COL26A1: variants seen among roughly 807,000 people sequenced by gnomAD.
COL26A1 encodes the protein collagen type XXVI alpha 1 chain.
In COL26A1, 41 loss-of-function variants were observed where a neutral mutation model predicts 59.3. That is an observed-to-expected ratio of 0.69 (90% confidence interval 0.54 to 0.90). The LOEUF is 0.90. Ranked by LOEUF, COL26A1 falls within the 40% of genes least tolerant of loss-of-function variation. The pLI is 0.00. For synonymous variants in COL26A1, 266 were observed against 256.0 expected (o/e 1.04, Z -0.37); for missense variants, 612 against 602.3 (o/e 1.02, Z -0.17).
chr7:101,541,443 C>T (rs1795615927), intron 5 of COL26A1, among the ~76,000 whole-genome samples: 1 of 151,934 alleles, frequency 6.6e-6, no homozygotes, highest in Admixed American at 6.6e-5. Context: ...CTCCGAGGCT[C>T]AGGTGATCCT....
chr7:101,402,210 CTGGGCTGTGATGTG>C (rs1295775094), intron 1 of COL26A1, among the ~76,000 whole-genome samples: 1 of 152,178 alleles, frequency 6.6e-6, no homozygotes, highest in African/African-American at 2.4e-5. Flanking sequence ...TGGAGACTCG[CTGGGCTGTGATGTG>C]ATCGTGTCGG....
intron 3 of COL26A1, among the ~76,000 whole-genome samples, chr7:101,488,789 C>T (rs1402491686): frequency 6.6e-6 from 1 of 152,148 alleles, no homozygotes; most frequent in Non-Finnish European, 1.5e-5. Context: ...AAATTGCAGA[C>T]TTTTAAAGGA....
intron 1 of COL26A1, among the ~76,000 whole-genome samples, chr7:101,381,836 G>C (rs1201035984): frequency 6.6e-6 from 1 of 152,108 alleles, no homozygotes; most frequent in Non-Finnish European, 1.5e-5. Context: ...GGACGTCCCT[G>C]GGGGAGATAT....
At chr7:101,372,294 T>G (rs1791213935) in intron 1 of COL26A1, among the ~76,000 whole-genome samples, 1 of 152,046 alleles carries the variant, frequency 6.6e-6, no homozygotes, top group Non-Finnish European at 1.5e-5. Flanking sequence ...GCCTCCCAAG[T>G]AGCTGGGATT....
rs1274752006 is a variant in COL26A1, at chr7:101,545,397, C to T, written c.763C>T (p.Pro255Ser). ...TGGAGAGATGGGGCGCCCCGGCCCC[C>T]CAGGACCACCCGGCCCAGCAGGCAA... ...LPGEMGRPGPPGPPGPAGNPG... is the reference protein window; with the variant it reads ...LPGEMGRPGPSGPPGPAGNPG... The change falls in exon 7 of 13, where the codon CCA becomes TCA. Residue 255 changes from proline (P) to serine (S), a missense_variant. Coordinates refer to ENST00000313669, the MANE Select transcript of COL26A1 (RefSeq NM_001278563.3). 3 of 1,604,342 alleles carry T rather than the reference C, an allele frequency of 1.9e-6. No individual in the cohort carries two copies. Among genetic ancestry groups the T allele is most frequent in the Non-Finnish European group, 2.5e-6 (3 of 1,176,792 alleles).
intron 1 of COL26A1, among the ~76,000 whole-genome samples, chr7:101,410,102 A>G (rs1419387191): frequency 1.4e-4 from 21 of 152,048 alleles, no homozygotes; most frequent in Non-Finnish European, 2.1e-4. Context: ...GCAGGGGGCT[A>G]GGGAATGGGT....
chr7:101,494,975 C>T (rs1460638515), intron 3 of COL26A1, among the ~76,000 whole-genome samples: 3 of 152,136 alleles, frequency 2.0e-5, no homozygotes, highest in African/African-American at 7.2e-5. Flanking sequence ...CTTCCTTCCC[C>T]GTGGCTTCCA....
At position 101,510,898 on chromosome 7, in the gene COL26A1, CTTTTTTT is replaced by C. The variant is rs908747824; in HGVS notation, c.386-22170_386-22164del. 3.8e-5 allele frequency among the ~76,000 whole-genome samples: 5 copies of C among 130,926 alleles called. No individual in the cohort carries two copies. The South Asian group carries it at 9.9e-4, about 26-fold the overall frequency. 85.9% of individuals were successfully genotyped at this position (130,926 alleles called of 152,430 possible). Reference sequence around the variant, plus strand: ...CTCACTTTTTTCTTTTTCTTTCTTTCTTTTTTTTTTTTTTTTTTTTGAGACGGAGTCT... The same window carrying C: ...CTCACTTTTTTCTTTTTCTTTCTTTCTTTTTTTTTTTTTGAGACGGAGTCT... On this transcript the variant is annotated intron_variant, in intron 3 of 12. Transcript: ENST00000313669.
intron 3 of COL26A1, among the ~76,000 whole-genome samples, chr7:101,507,703 C>G (rs991825943): frequency 6.6e-6 from 1 of 152,144 alleles, no homozygotes; most frequent in Non-Finnish European, 1.5e-5. Flanking sequence ...CTGGCGTGAG[C>G]CACCACAAAG....
intron 5 of COL26A1, among the ~76,000 whole-genome samples, chr7:101,542,070 GA>G (rs1795629173): frequency 6.6e-6 from 1 of 151,960 alleles, no homozygotes; most frequent in African/African-American, 2.4e-5. Flanking sequence ...GGGCTCAAGG[GA>G]TTCCCCTGCC....
chr7:101,375,192 C>T (rs1791285548), intron 1 of COL26A1, among the ~76,000 whole-genome samples: 2 of 152,192 alleles, frequency 1.3e-5, no homozygotes, highest in Non-Finnish European at 1.5e-5. Context: ...CTCTATGCCT[C>T]AGTCACCTCA....
At chr7:101,460,970 C>T (rs1287113656) in intron 3 of COL26A1, among the ~76,000 whole-genome samples, 3 of 151,928 alleles carry the variant, frequency 2.0e-5, no homozygotes, top group Non-Finnish European at 4.4e-5. Context: ...CTCATTTGCA[C>T]CTGCGGGATG....
Position 101,494,376 on chromosome 7 carries a change from C to T in COL26A1, c.386-38706C>T, listed in dbSNP as rs567948554. On this transcript the variant is annotated intron_variant, in intron 3 of 12. Transcript: ENST00000313669. ...TCCTGACCTCAAGTGATCTGCTGGC[C>T]ATAGTCTCCCAGAATGCAGGGATTA... Among the ~76,000 whole-genome samples the T allele has an allele frequency of 2.6e-5, 4 of 152,284 alleles. No homozygotes were observed. The South Asian group carries it at 8.3e-4, about 32-fold the overall frequency.
At chr7:101,497,721 CTG>C (rs759021825) in intron 3 of COL26A1, among the ~76,000 whole-genome samples, 5 of 152,248 alleles carry the variant, frequency 3.3e-5, no homozygotes, top group African/African-American at 4.8e-5. Flanking sequence ...TGGCTCACAT[CTG>C]TAATCCCAGC....
chr7:101,475,319 G>A (rs538938917), intron 3 of COL26A1, among the ~76,000 whole-genome samples: 39 of 151,768 alleles, frequency 2.6e-4, no homozygotes, highest in African/African-American at 9.0e-4. Flanking sequence ...GGTAGGGAGG[G>A]CACCTCTGGG....
intron 3 of COL26A1, among the ~76,000 whole-genome samples, chr7:101,475,226 A>G (rs1348010635): frequency 6.6e-6 from 1 of 152,044 alleles, no homozygotes; most frequent in Non-Finnish European, 1.5e-5. Flanking sequence ...CATCATAACA[A>G]ACTGGGTGAA....
intron 1 of COL26A1, among the ~76,000 whole-genome samples, chr7:101,382,595 T>C (rs1401900270): frequency 1.3e-5 from 2 of 152,256 alleles, no homozygotes; most frequent in Non-Finnish European, 2.9e-5. Flanking sequence ...TGTTAGCTGA[T>C]AGAACAATTT....
chr7:101,489,810 CT>C (rs1161636539), intron 3 of COL26A1, among the ~76,000 whole-genome samples: 1 of 3,526 alleles, frequency 2.8e-4, no homozygotes, highest in Non-Finnish European at 5.2e-4. Flanking sequence ...TTCTTTCTTT[CT>C]TTCTTTCTTT....
At chr7:101,489,387 C>T (rs1794335528) in intron 3 of COL26A1, among the ~76,000 whole-genome samples, 2 of 152,292 alleles carry the variant, frequency 1.3e-5, no homozygotes, top group Middle Eastern at 3.4e-3. Flanking sequence ...TCAGCCTGAC[C>T]AGAGCTGCAA....
Sources: gnomAD v4.1 joint callset for allele counts (sites outside exome capture counted in the v4.1 genomes callset) on GRCh38, gnomAD v4.1.1 for gene constraint, MANE v1.5 for transcripts, NCBI Gene and HGNC (gene_info 2026-07-23, HGNC 2026-07-21) for gene names.